CNTN4: variants seen among roughly 807,000 people sequenced by gnomAD.
The protein encoded by CNTN4 is contactin 4, also known as contactin-4.
In CNTN4, 77 loss-of-function variants were observed where a neutral mutation model predicts 122.5. The observed-to-expected ratio is 0.63, with a 90% confidence interval of 0.52 to 0.76. The LOEUF (loss-of-function observed/expected upper bound fraction) is 0.76, where lower values mean the gene tolerates loss of function less well. Ranked by LOEUF, CNTN4 falls within the 30% of genes least tolerant of loss-of-function variation. The pLI is 0.00. For synonymous variants in CNTN4, 512 were observed against 447.0 expected (o/e 1.15, Z -1.83); for missense variants, 1,256 against 1,259.1 (o/e 1.00, Z 0.04).
chr3:2,240,265 T>C (rs2039878795), intron 2 of CNTN4, among the ~76,000 whole-genome samples: 1 of 152,308 alleles, frequency 6.6e-6, no homozygotes, highest in African/African-American at 2.4e-5. Flanking sequence ...ATTTGAGATA[T>C]GTTTTCTTTT....
At chr3:2,475,469 T>G (rs1053882502) in intron 3 of CNTN4, among the ~76,000 whole-genome samples, 1 of 152,166 alleles carries the variant, frequency 6.6e-6, no homozygotes, top group Admixed American at 6.6e-5. Context: ...TATTCACAGC[T>G]TGGCTTTGAT....
rs565362282 is a variant in CNTN4 at position 2,678,302 on chromosome 3, C to T, written c.56-57913C>T. 6.6e-5 allele frequency among the ~76,000 whole-genome samples: 10 copies of T among 152,186 alleles called. 1 individual carries two copies. Among genetic ancestry groups the T allele is most frequent in the South Asian group, 4.1e-4 (2 of 4,820 alleles). ...TGAAGAAATTCTTTTTCAGCCCTGT[C>T]GTAAAAAAATTTTTTTGATCCTTGG... On this transcript the variant is annotated intron_variant, in intron 4 of 24. Transcript: ENST00000418658.
At chr3:2,954,075 C>T (rs889673117) in intron 13 of CNTN4, among the ~76,000 whole-genome samples, 2 of 152,266 alleles carry the variant, frequency 1.3e-5, no homozygotes, top group South Asian at 4.1e-4. Context: ...TATGCATAAT[C>T]GTTTCCAAAA....
intron 13 of CNTN4, among the ~76,000 whole-genome samples, chr3:2,926,874 T>C (rs1055803178): frequency 1.3e-5 from 2 of 152,170 alleles, no homozygotes; most frequent in African/African-American, 4.8e-5. Context: ...AAGAAAGCAG[T>C]GTAGTTCATT....
chr3:2,758,130 A>G (rs58137189), intron 6 of CNTN4, among the ~76,000 whole-genome samples: 199 of 152,310 alleles, frequency 1.3e-3, no homozygotes, highest in African/African-American at 4.7e-3. Context: ...ATATAGTCCT[A>G]TAAGTAATGT....
intron 4 of CNTN4, among the ~76,000 whole-genome samples, chr3:2,649,214 G>A (rs547084220): frequency 1.3e-5 from 2 of 152,172 alleles, no homozygotes; most frequent in Non-Finnish European, 1.5e-5. Context: ...AATTAATAAA[G>A]GTGGCTACCC....
At chr3:2,623,465 G>A (rs2082068704) in intron 4 of CNTN4, among the ~76,000 whole-genome samples, 4 of 152,188 alleles carry the variant, frequency 2.6e-5, no homozygotes, top group Admixed American at 2.6e-4. Flanking sequence ...AGCTGTTACT[G>A]TGGAGCTTCC....
At chr3:2,362,546 C>A (rs1366913377) in intron 3 of CNTN4, 1 of 604,016 alleles carries the variant, frequency 1.7e-6, no homozygotes, top group Non-Finnish European at 3.1e-6. Context: ...AAGCCCATTC[C>A]TCGGATTAAC....
At chr3:2,679,858 G>A (rs2085074215) in intron 4 of CNTN4, among the ~76,000 whole-genome samples, 1 of 152,038 alleles carries the variant, frequency 6.6e-6, no homozygotes, top group Non-Finnish European at 1.5e-5. Context: ...TTTATTGTCT[G>A]CCTCACCCAA....
At position 2,863,033 on chromosome 3, in the gene CNTN4, C is replaced by T. The variant is rs904428812; in HGVS notation, c.455-3719C>T. Among the ~76,000 whole-genome samples the T allele has an allele frequency of 2.0e-5, 3 of 152,128 alleles. No homozygotes were observed. The East Asian group carries it at 5.8e-4, about 29-fold the overall frequency. ...TGCTCCAGCCTAACCCTTTCTAGAC[C>T]TCAGAATTTTCTTATCTTTAAAATG... On this transcript the variant is annotated intron_variant, in intron 7 of 24. Transcript: ENST00000418658.
intron 7 of CNTN4, among the ~76,000 whole-genome samples, chr3:2,843,675 T>A (rs2093404428): frequency 6.6e-6 from 1 of 152,164 alleles, no homozygotes; most frequent in Non-Finnish European, 1.5e-5. Flanking sequence ...TGCTCCTGCT[T>A]TTCACCATGT....
intron 3 of CNTN4, among the ~76,000 whole-genome samples, chr3:2,467,805 G>A (rs1315466170): frequency 6.6e-6 from 1 of 152,174 alleles, no homozygotes; most frequent in African/African-American, 2.4e-5. Flanking sequence ...GCCTTGCAGT[G>A]TCCTGGTCCC....
chr3:3,027,601 T>G (rs897482813), intron 15 of CNTN4, among the ~76,000 whole-genome samples: 7 of 152,206 alleles, frequency 4.6e-5, no homozygotes, highest in African/African-American at 1.4e-4. Context: ...AAGGGTAACA[T>G]TGATTGTAAT....
intron 7 of CNTN4, among the ~76,000 whole-genome samples, chr3:2,835,070 C>A (rs113352894): frequency 3.3e-5 from 5 of 151,490 alleles, no homozygotes; most frequent in South Asian, 2.1e-4. Flanking sequence ...ACGCCCGGCT[C>A]ATTTTTTTGT....
intron 3 of CNTN4, among the ~76,000 whole-genome samples, chr3:2,518,949 A>G (rs2149127350): frequency 6.6e-6 from 1 of 152,320 alleles, no homozygotes; most frequent in African/African-American, 2.4e-5. Flanking sequence ...TATTAGGTTG[A>G]ACAAAGAGAG....
intron 3 of CNTN4, among the ~76,000 whole-genome samples, chr3:2,436,948 C>T (rs11718236): frequency 0.24 from 35,635 of 151,392 alleles, 5,406 homozygotes; most frequent in Non-Finnish European, 0.35. Flanking sequence ...CTATACTTTC[C>T]TTCTTTTGGG....
At chr3:2,118,004 A>G (rs1273746126) in intron 2 of CNTN4, among the ~76,000 whole-genome samples, 1 of 152,192 alleles carries the variant, frequency 6.6e-6, no homozygotes, top group Non-Finnish European at 1.5e-5. Flanking sequence ...AAAACACCCC[A>G]GCTATTACAG....
intron 4 of CNTN4, among the ~76,000 whole-genome samples, chr3:2,655,530 TTC>T (rs2083548888): frequency 6.6e-6 from 1 of 152,170 alleles, no homozygotes; most frequent in Non-Finnish European, 1.5e-5. Flanking sequence ...TCTTCTCTGT[TTC>T]TGTTTCCTGC....
At chr3:2,261,378 A>G (rs11717206) in intron 2 of CNTN4, among the ~76,000 whole-genome samples, 1,537 of 152,278 alleles carry the variant, frequency 0.01, 13 homozygotes, top group Middle Eastern at 0.031. Flanking sequence ...TCTTAATGGC[A>G]TGGATATGTT....
Sources: gnomAD v4.1 joint callset for allele counts (sites outside exome capture counted in the v4.1 genomes callset) on GRCh38, gnomAD v4.1.1 for gene constraint, MANE v1.5 for transcripts, NCBI Gene and HGNC (gene_info 2026-07-23, HGNC 2026-07-21) for gene names.